The following KRT5 variants were observed in gnomAD, a reference collection of about 807,000 sequenced individuals.
KRT5 encodes keratin 5.
KRT5 carries 17 observed loss-of-function variants against 44.0 expected under a neutral mutation model. That is an observed-to-expected ratio of 0.39 (90% CI 0.26 to 0.58). The LOEUF is 0.58. Among genes scored for constraint, KRT5 ranks in the 20% least tolerant of loss-of-function variants. The pLI is 0.61. For missense variants in KRT5, 737 were observed against 785.5 expected (o/e 0.94, Z 0.74); for synonymous variants, 329 against 312.8 (o/e 1.05, Z -0.55).
At chr12:52,518,304 G>T in intron 2 of KRT5, 141 bp from the exon 3 acceptor site, 2 of 788,446 alleles carry the variant, frequency 2.5e-6, no homozygotes, top group Non-Finnish European at 2.3e-6. Context: ...GACACTGGTA[G>T]CATGAACCTC....
rs1401968595 is a variant in KRT5, at chr12:52,520,312, G to A, written c.-16C>T. 9 of 1,611,626 alleles carry A rather than the reference G, an allele frequency of 5.6e-6. No homozygotes were observed. Among genetic ancestry groups the A allele is most frequent in the Non-Finnish European group, 7.6e-6 (9 of 1,179,488 alleles). The stretch of plus-strand genomic sequence containing the variant: ...GGCGAGACATGGTGGCTTGTTCCTG[G>A]TGGAGCAAGAGAACCAGGCACTAGT... On this transcript the variant is annotated 5_prime_UTR_variant, in exon 1 of 9. Transcript: ENST00000252242.
intron 7 of KRT5, 27 bp from the exon 8 acceptor site, chr12:52,515,859 G>A (rs981823173): frequency 3.7e-6 from 6 of 1,604,062 alleles, no homozygotes. Context: ...TGAATTAAGG[G>A]TTAACAGCTC....
chr12:52,514,879 A>G lies in KRT5; in HGVS notation c.*63T>C. 1.4e-6 allele frequency: 2 copies of G among 1,403,382 alleles called. No individual in the cohort carries two copies. Among genetic ancestry groups the G allele is most frequent in the Non-Finnish European group, 2.0e-6 (2 of 991,306 alleles). The allele number at this position is 1,403,382 out of a possible 1,614,324, so 86.9% of individuals were successfully genotyped here. Reference sequence around the variant, plus strand: ...TAAAACATGGCTTGAGCAACTGCCTAGAAGAGGCAATCTCCATGGGCTGGG... The same window carrying G: ...TAAAACATGGCTTGAGCAACTGCCTGGAAGAGGCAATCTCCATGGGCTGGG... On this transcript the variant is annotated 3_prime_UTR_variant, in exon 9 of 9. Transcript: ENST00000252242.
At chr12:52,516,213 G>A in intron 7 of KRT5, 1 of 419,968 alleles carries the variant, frequency 2.4e-6, no homozygotes, top group Non-Finnish European at 4.4e-6. Context: ...GTCAGAGGTT[G>A]AAGCAAACAG....
chr12:52,519,315 A>G (rs906828770), intron 1 of KRT5, among the ~76,000 whole-genome samples, 155 bp from the exon 2 acceptor site: 5 of 152,164 alleles, frequency 3.3e-5, no homozygotes, highest in Non-Finnish European at 7.4e-5. Context: ...AGACTGAGGC[A>G]CCCAAACTCA....
At chr12:52,516,499 T>G in intron 7 of KRT5, 138 bp downstream of exon 7, 2 of 908,264 alleles carry the variant, frequency 2.2e-6, no homozygotes, top group Non-Finnish European at 3.5e-6. Flanking sequence ...TGGCCATGAG[T>G]CAGACTGAAA....
chr12:52,516,580 T>C, intron 7 of KRT5, 57 bp downstream of exon 7: 1 of 1,522,368 alleles, frequency 6.6e-7, no homozygotes, highest in Non-Finnish European at 9.1e-7. Flanking sequence ...CACCCCACAG[T>C]AGAGCAGCTT....
At position 52,518,878 on chromosome 12, in the gene KRT5, G is replaced by C; in HGVS notation, c.770+68C>G. ...CAAAGGAAGGCATGGTAGTAGACTA[G>C]TAACAAAGCCCATCTGGTACCAAGA... On this transcript the variant is annotated intron_variant, in intron 2 of 8. Transcript: ENST00000252242. 7 of 1,589,594 alleles carry C rather than the reference G, an allele frequency of 4.4e-6. 1 individual carries two copies. In the South Asian group the frequency reaches 7.7e-5, roughly 18 times the overall value.
At chr12:52,516,136 G>A (rs1592193376) in intron 7 of KRT5, 1 of 513,780 alleles carries the variant, frequency 1.9e-6, no homozygotes. Flanking sequence ...CCTTGTAGGA[G>A]TTACATTCTG....
rs776798169 is a variant in KRT5, at chr12:52,519,873, C to T, written c.424G>A (p.Glu142Lys). The change falls in exon 1 of 9, where the codon GAG becomes AAG. Residue 142 changes from glutamate (E) to lysine (K), a missense_variant. Physicochemically the swap from Glu to Lys is moderately conservative, Grantham distance 56. This residue lies in a region of KRT5 where 326 missense variants were observed against 333.1 expected (regional missense o/e 0.98). Coordinates refer to ENST00000252242, the MANE Select transcript of KRT5 (RefSeq NM_000424.4). ...AGGAGACTCTGGTTGACAGTGACCT[C>T]TTGGATACCTCCAGGAGGGCAGACA... ...FPVCPPGGIQ[E>K]VTVNQSLLTP... 2 of 1,613,874 alleles carry T rather than the reference C, an allele frequency of 1.2e-6. No individual in the cohort carries two copies. The highest frequency in any genetic ancestry group is 3.3e-5 in the Admixed American group (2 of 59,990).
intron 1 of KRT5, 88 bp downstream of exon 1, chr12:52,519,654 G>T (rs2120488513): frequency 2.9e-6 from 4 of 1,369,532 alleles, no homozygotes; most frequent in East Asian, 2.3e-5. Context: ...AAAAGTATTT[G>T]CACAAAGCCA....
intron 2 of KRT5, 126 bp from the exon 3 acceptor site, chr12:52,518,289 G>C (rs1041959033): frequency 1.2e-6 from 1 of 866,128 alleles, no homozygotes; most frequent in African/African-American, 1.6e-5. Context: ...GGCAGAGAGG[G>C]AGGGGACACT....
Position 52,519,003 on chromosome 12 carries a change from C to A in KRT5, c.713G>T (p.Gly238Val), listed in dbSNP as rs570531194. The A allele has an allele frequency of 4.2e-5, 68 of 1,614,178 alleles. No homozygotes were observed. The South Asian group carries it at 7.0e-4, about 17-fold the overall frequency. ...GTTTCTCAGCTCTGAGTCCAGGCGGCCCCGTTCCCCCACGATGCTGTCCAG... is the reference window on the plus strand; with the variant it reads ...GTTTCTCAGCTCTGAGTCCAGGCGGACCCGTTCCCCCACGATGCTGTCCAG... Reference protein sequence around the residue: ...RQLDSIVGERGRLDSELRNMQ... With the variant: ...RQLDSIVGERVRLDSELRNMQ... The change falls in exon 2 of 9, where the codon GGC (glycine) becomes GTC (valine). Residue 238 changes from glycine (G) to valine (V), a missense_variant. Gly to Val is a moderately radical substitution (Grantham distance 109). This residue lies in a region of KRT5 where 326 missense variants were observed against 333.1 expected (regional missense o/e 0.98). Coordinates refer to ENST00000252242, the MANE Select transcript of KRT5 (RefSeq NM_000424.4).
chr12:52,519,172 C>T lies in KRT5; in HGVS notation c.556-12G>A, dbSNP rs752206118. ...TCCAGGAACCGCACCTGGAGGGGAG[C>T]AGGGTTTGAAGATAGAGAAACTTGG... On this transcript the variant is annotated splice_polypyrimidine_tract_variant and intron_variant, in intron 1 of 8. Transcript: ENST00000252242. 6.2e-7 allele frequency: 1 copy of T among 1,614,044 alleles called. No individual in the cohort carries two copies. The highest frequency in any genetic ancestry group is 8.5e-7 in the Non-Finnish European group (1 of 1,179,946).
rs756336643 is a variant in KRT5 at position 52,515,857 on chromosome 12, G to A, written c.1440-25C>T. On this transcript the variant is annotated intron_variant, in intron 7 of 8. Transcript: ENST00000252242. ...TCTGAAAGGGGAAAAATTGAATTAAGGGTTAACAGCTCCCAAAAAGACAGC... is the reference window on the plus strand; with the variant it reads ...TCTGAAAGGGGAAAAATTGAATTAAAGGTTAACAGCTCCCAAAAAGACAGC... The A allele has an allele frequency of 2.5e-6, 4 of 1,606,654 alleles. No homozygotes were observed. In the South Asian group the frequency reaches 4.4e-5, roughly 18 times the overall value.
chr12:52,517,841 T>G, intron 4 of KRT5, 56 bp downstream of exon 4: 1 of 1,609,108 alleles, frequency 6.2e-7, no homozygotes, highest in Non-Finnish European at 8.5e-7. Flanking sequence ...CATTGTGATA[T>G]GACAACTTGA....
At position 52,514,664 on chromosome 12, in the gene KRT5, T is replaced by G; in HGVS notation, c.*278A>C. 6.5e-6 allele frequency: 3 copies of G among 460,810 alleles called. No individual in the cohort carries two copies. The highest frequency in any genetic ancestry group is 1.2e-5 in the Non-Finnish European group (3 of 260,300). 28.5% of individuals were successfully genotyped at this position (460,810 alleles called of 1,614,324 possible). A position where few individuals can be genotyped will look rare whatever the true frequency, so the allele number is the denominator to read the frequency against. ...GATTGGGGTGGGGATTCTGTTTTGA[T>G]GATTTAGATTTGGGAAAACTTTGGG... On this transcript the variant is annotated 3_prime_UTR_variant, in exon 9 of 9. Coordinates refer to ENST00000252242, the MANE Select transcript of KRT5 (RefSeq NM_000424.4).
At chr12:52,518,842 C>A in intron 2 of KRT5, 104 bp downstream of exon 2, 8 of 1,377,596 alleles carry the variant, frequency 5.8e-6, no homozygotes, top group South Asian at 2.3e-5. Flanking sequence ...GAAGGTATAT[C>A]CTCCCAGCCC....
In KRT5 at chr12:52,514,624, C is replaced by A. The variant is rs986670258; in HGVS notation, c.*318G>T. 3 of 404,352 alleles carry A rather than the reference C, an allele frequency of 7.4e-6. No homozygotes were observed. The highest frequency in any genetic ancestry group is 4.0e-5 in the African/African-American group (2 of 49,572). 25.0% of individuals were successfully genotyped at this position (404,352 alleles called of 1,614,324 possible). A position where few individuals can be genotyped will look rare whatever the true frequency, so the allele number is the denominator to read the frequency against. On this transcript the variant is annotated 3_prime_UTR_variant, in exon 9 of 9. Transcript: ENST00000252242. ...AACACATTCTGGAGGTAGTTAGAACCAAAACAAAATTTGGGATTGGGGTGG... is the reference window on the plus strand; with the variant it reads ...AACACATTCTGGAGGTAGTTAGAACAAAAACAAAATTTGGGATTGGGGTGG...
Sources: gnomAD v4.1 joint callset for allele counts (sites outside exome capture counted in the v4.1 genomes callset) on GRCh38, gnomAD v4.1.1 for gene constraint, gnomAD v4.1.1 regional missense constraint, MANE v1.5 for transcripts, NCBI Gene and HGNC (gene_info 2026-07-23, HGNC 2026-07-21) for gene names.